RYR2: variants seen among roughly 807,000 people sequenced by gnomAD.
The protein encoded by RYR2 is cardiac muscle ryanodine receptor-calcium release channel.
RYR2 carries 227 observed loss-of-function variants against 601.1 expected under a neutral mutation model. The observed-to-expected ratio is 0.38, with a 90% CI of 0.34 to 0.42. RYR2 has a LOEUF of 0.42. Ranked by LOEUF, RYR2 falls within the 10% of genes least tolerant of loss-of-function variation. The pLI is 1.00. For missense variants in RYR2, 4,646 were observed against 6,156.5 expected (o/e 0.75, Z 8.21); for synonymous variants, 2,223 against 2,175.1 (o/e 1.02, Z -0.61).
chr1:237,632,743 A>G (rs1367850026), intron 42 of RYR2, among the ~76,000 whole-genome samples: 1 of 144,638 alleles, frequency 6.9e-6, no homozygotes, highest in Non-Finnish European at 1.5e-5. Context: ...CAAAAACCAA[A>G]TTAGTAGAAT....
intron 16 of RYR2, 114 bp from the exon 17 acceptor site, chr1:237,468,978 A>G: frequency 1.4e-6 from 1 of 709,998 alleles, no homozygotes; most frequent in Non-Finnish European, 2.4e-6. Context: ...AAGTTTTTAG[A>G]TGTAACAGAG....
chr1:237,465,775 G>A (rs75075295), intron 16 of RYR2, among the ~76,000 whole-genome samples: 2,202 of 152,322 alleles, frequency 0.014, 44 homozygotes, highest in African/African-American at 0.05. Context: ...CATTTGTACA[G>A]CAATATGTAC....
chr1:237,687,366 C>CTTTTTTTTTT, intron 62 of RYR2, 89 bp from the exon 63 acceptor site: 10 of 259,146 alleles, frequency 3.9e-5, no homozygotes, highest in Admixed American at 7.2e-5. Flanking sequence ...TTTTCTTCTT[C>CTTTTTTTTTT]TTTTTTTTTT....
At position 237,680,472 on chromosome 1, in the gene RYR2, T is replaced by A. The variant is rs1342030442; in HGVS notation, c.8912T>A (p.Ile2971Asn). ...KFFAKVVLPL[I>N]DQYFKNHRLY... ...TTCTTTCAGGTCGTTCTTCCTTTAA[T>A]TGATCAGTATTTCAAAAACCATCGT... The change falls in exon 62 of 105, where the codon ATT (isoleucine) becomes AAT (asparagine). Residue 2971 changes from isoleucine to asparagine, a missense_variant. Ile to Asn is a moderately radical substitution (Grantham distance 149, BLOSUM62 -3). Around this residue, in one of 17 missense-constraint regions of RYR2, gnomAD observed 1,497 missense variants for 1,842.6 expected, o/e 0.81. Coordinates refer to ENST00000366574, the MANE Select transcript of RYR2 (RefSeq NM_001035.3). 6.2e-6 allele frequency: 10 copies of A among 1,608,600 alleles called. No homozygotes were observed. Among genetic ancestry groups the A allele is most frequent in the African/African-American group, 1.3e-5 (1 of 74,932 alleles).
At chr1:237,700,149 C>A in intron 64 of RYR2, 80 bp from the exon 65 acceptor site, 1 of 935,216 alleles carries the variant, frequency 1.1e-6, no homozygotes, top group Non-Finnish European at 1.6e-6. Context: ...GAGAAATAAA[C>A]ATCATAAGAG....
chr1:237,550,659 G>C lies in RYR2; in HGVS notation c.3182G>C (p.Gly1061Ala), dbSNP rs373083911. ...REAVRTLLGYGYNLEAPDQDH... is the reference protein window; with the variant it reads ...REAVRTLLGYAYNLEAPDQDH... ...GCTGTGCGCACGCTGCTGGGGTACGGCTACAACTTGGAAGCACCAGATCAA... is the reference window on the plus strand; with the variant it reads ...GCTGTGCGCACGCTGCTGGGGTACGCCTACAACTTGGAAGCACCAGATCAA... The change falls in exon 27 of 105, where the codon GGC becomes GCC. Residue 1061 changes from glycine to alanine, a missense_variant. This residue lies in a region of RYR2 where 1,807 missense variants were observed against 2,088.1 expected (regional missense o/e 0.87). Transcript: ENST00000366574. 3.8e-6 allele frequency: 6 copies of C among 1,564,204 alleles called. No individual in the cohort carries two copies. The African/African-American group carries it at 8.1e-5, about 21-fold the overall frequency.
At chr1:237,157,261 A>G (rs1234698858) in intron 1 of RYR2, among the ~76,000 whole-genome samples, 2 of 132,902 alleles carry the variant, frequency 1.5e-5, no homozygotes, top group Non-Finnish European at 3.1e-5. Context: ...ACACCACTGC[A>G]CTCCAGCCTG....
At chr1:237,827,318 T>G (rs1663210334) in intron 101 of RYR2, among the ~76,000 whole-genome samples, 1 of 152,118 alleles carries the variant, frequency 6.6e-6, no homozygotes, top group African/African-American at 2.4e-5. Flanking sequence ...TTATGGAAGC[T>G]TACTTATAAG....
chr1:237,543,167 T>C (rs1547279), intron 25 of RYR2, among the ~76,000 whole-genome samples: 49,044 of 152,016 alleles, frequency 0.32, 8,058 homozygotes, highest in Middle Eastern at 0.43. Context: ...AGCTTTTTTT[T>C]CCCTCTCTCT....
chr1:237,606,496 A>G (rs1045507770), intron 35 of RYR2, among the ~76,000 whole-genome samples: 1 of 152,234 alleles, frequency 6.6e-6, no homozygotes, highest in African/African-American at 2.4e-5. Context: ...ACCATTCAGG[A>G]CATAGGCGTG....
chr1:237,073,126 C>A (rs938174891), intron 1 of RYR2, among the ~76,000 whole-genome samples: 1 of 152,026 alleles, frequency 6.6e-6, no homozygotes, highest in Non-Finnish European at 1.5e-5. Context: ...AAGGCTAAAC[C>A]TGATTGTCAT....
intron 27 of RYR2, among the ~76,000 whole-genome samples, chr1:237,557,045 G>A (rs1670977929): frequency 6.6e-6 from 1 of 152,120 alleles, no homozygotes; most frequent in Admixed American, 6.6e-5. Context: ...GTCATCTGAA[G>A]ACTTCACTGG....
chr1:237,440,962 T>C (rs1707844563), intron 12 of RYR2, among the ~76,000 whole-genome samples: 1 of 151,046 alleles, frequency 6.6e-6, no homozygotes, highest in African/African-American at 2.4e-5. Context: ...ATTAAATCTC[T>C]CTGTCCCCCA....
intron 14 of RYR2, among the ~76,000 whole-genome samples, chr1:237,452,698 C>T (rs2127152): frequency 0.52 from 78,465 of 150,364 alleles, 21,874 homozygotes; most frequent in East Asian, 0.74. Flanking sequence ...AATGTAGCCA[C>T]AAGGTTAATA....
chr1:237,775,604 T>A (rs933207989), intron 87 of RYR2, among the ~76,000 whole-genome samples: 30 of 152,132 alleles, frequency 2.0e-4, no homozygotes, highest in Admixed American at 6.6e-5. Context: ...AAGGGGGAGA[T>A]CCAACACCAT....
At position 237,285,454 on chromosome 1, in the gene RYR2, A is replaced by G. The variant is rs368771308; in HGVS notation, c.168+14838A>G. Among the ~76,000 whole-genome samples, 17 of 152,248 alleles carry G rather than the reference A, an allele frequency of 1.1e-4. 1 individual carries two copies. Among genetic ancestry groups the G allele is most frequent in the Admixed American group, 4.6e-4 (7 of 15,288 alleles). ...TATTTTGTTGAGGATTTTAGCATCT[A>G]TGTTCATCAAGGATATCAGTCTGTA... On this transcript the variant is annotated intron_variant, in intron 2 of 104. Coordinates refer to ENST00000366574, the MANE Select transcript of RYR2 (RefSeq NM_001035.3).
intron 79 of RYR2, among the ~76,000 whole-genome samples, chr1:237,742,043 T>C (rs1691654862): frequency 6.6e-6 from 1 of 152,236 alleles, no homozygotes; most frequent in South Asian, 2.1e-4. Context: ...TAGTATGATG[T>C]GGACCTCATA....
chr1:237,390,537 ATTTAGTCT>A (rs1702291085), intron 10 of RYR2, among the ~76,000 whole-genome samples: 1 of 152,200 alleles, frequency 6.6e-6, no homozygotes, highest in Non-Finnish European at 1.5e-5. Context: ...TGTTGCTATT[ATTTAGTCT>A]GAAGAGGCAG....
At chr1:237,604,076 T>C (rs1573062161) in intron 35 of RYR2, among the ~76,000 whole-genome samples, 1 of 152,282 alleles carries the variant, frequency 6.6e-6, no homozygotes, top group East Asian at 1.9e-4. Context: ...GCGGACCTAA[T>C]AGACATCTAC....
Sources: allele counts gnomAD v4.1 joint callset (sites outside exome capture counted in the v4.1 genomes callset), GRCh38; gene constraint gnomAD v4.1.1; regional missense constraint gnomAD v4.1.1; transcripts MANE v1.5; gene names NCBI Gene and HGNC (gene_info 2026-07-23, HGNC 2026-07-21).